The following AUH variants were observed in gnomAD, a reference collection of about 807,000 sequenced individuals.
The protein encoded by AUH is methylglutaconyl-CoA hydratase, mitochondrial.
Under a neutral mutation model 42.3 loss-of-function variants are expected in AUH, and 29 were observed. The ratio of observed to expected loss-of-function variants is 0.69; its 90% CI spans 0.51 to 0.93. AUH has a LOEUF of 0.93. AUH is among the 40% of genes least tolerant of loss of function. The probability of loss-of-function intolerance (pLI) is 0.00; values close to 1 mark genes in which losing one functional copy is unlikely to be tolerated. For missense variants in AUH, 452 were observed against 438.1 expected (o/e 1.03, Z -0.28); for synonymous variants, 174 against 166.4 (o/e 1.05, Z -0.35).
intron 6 of AUH, among the ~76,000 whole-genome samples, chr9:91,250,325 A>C (rs1005635020): frequency 4.6e-5 from 7 of 152,278 alleles, no homozygotes; most frequent in Non-Finnish European, 7.4e-5. Context: ...TACCACACTC[A>C]TACCAAAGCA....
intron 6 of AUH, among the ~76,000 whole-genome samples, chr9:91,235,176 T>C (rs1004432003): frequency 6.6e-6 from 1 of 152,030 alleles, no homozygotes; most frequent in Admixed American, 6.6e-5. Context: ...TTTAAAAAGA[T>C]CATTTGTAAG....
intron 6 of AUH, among the ~76,000 whole-genome samples, chr9:91,225,893 T>C (rs938456502): frequency 1.9e-4 from 29 of 151,988 alleles, no homozygotes; most frequent in African/African-American, 6.8e-4. Context: ...TCATTTTTTA[T>C]GGCTGCATAG....
chr9:91,347,212 TTTTG>T (rs145405829), intron 3 of AUH, among the ~76,000 whole-genome samples: 95,538 of 149,984 alleles, frequency 0.64, 31,770 homozygotes, highest in Admixed American at 0.76. Context: ...TAAGAGGGTT[TTTTG>T]TTTGTTTGTT....
At chr9:91,248,684 A>G (rs150119820) in intron 6 of AUH, among the ~76,000 whole-genome samples, 127 of 152,340 alleles carry the variant, frequency 8.3e-4, no homozygotes, top group African/African-American at 2.8e-3. Flanking sequence ...AAGTCCTCAC[A>G]TAACATTGTT....
intron 3 of AUH, among the ~76,000 whole-genome samples, chr9:91,344,441 C>T (rs939355094): frequency 1.3e-5 from 2 of 152,174 alleles, no homozygotes; most frequent in Admixed American, 1.3e-4. Flanking sequence ...AGACTGAACA[C>T]CTTGGGCACA....
chr9:91,320,102 T>C (rs1383637353), intron 4 of AUH, among the ~76,000 whole-genome samples: 1 of 152,226 alleles, frequency 6.6e-6, no homozygotes, highest in East Asian at 1.9e-4. Flanking sequence ...ACAGTACCAC[T>C]TTAATCAAAT....
intron 4 of AUH, among the ~76,000 whole-genome samples, chr9:91,323,238 A>G (rs1256161444): frequency 6.6e-6 from 1 of 152,246 alleles, no homozygotes; most frequent in African/African-American, 2.4e-5. Context: ...AATTACCTAT[A>G]TTGTACTTTT....
chr9:91,305,553 C>T (rs763643634), intron 4 of AUH, among the ~76,000 whole-genome samples: 1 of 152,168 alleles, frequency 6.6e-6, no homozygotes, highest in Admixed American at 6.5e-5. Context: ...ACCACTGTTA[C>T]CACTGTGAGC....
intron 6 of AUH, among the ~76,000 whole-genome samples, chr9:91,265,015 TC>T (rs1434236406): frequency 1.3e-5 from 2 of 152,136 alleles, no homozygotes; most frequent in African/African-American, 4.8e-5. Flanking sequence ...TTGTTTTTCT[TC>T]CTCTCTGAAA....
rs1279333212 is a variant in AUH, at chr9:91,240,747, G to T, written c.656-19755C>A. On this transcript the variant is annotated intron_variant, in intron 6 of 9. Transcript: ENST00000375731. ...AGATGGCACAGGTCTAGAGTCTCCT[G>T]CCACTGAGAGAGTCTCTGGGGGCCC... Among the ~76,000 whole-genome samples, 9 of 151,330 alleles carry T rather than the reference G, an allele frequency of 5.9e-5. No homozygotes were observed. In the Admixed American group the frequency reaches 6.0e-4, roughly 10 times the overall value.
At chr9:91,284,306 ATTAATTC>A (rs1399454702) in intron 6 of AUH, among the ~76,000 whole-genome samples, 1 of 152,222 alleles carries the variant, frequency 6.6e-6, no homozygotes, top group East Asian at 1.9e-4. Flanking sequence ...TTATACAAAA[ATTAATTC>A]AAGACGGATT....
chr9:91,250,327 A>G (rs1829057063), intron 6 of AUH, among the ~76,000 whole-genome samples: 1 of 152,144 alleles, frequency 6.6e-6, no homozygotes, highest in East Asian at 1.9e-4. Flanking sequence ...CCACACTCAT[A>G]CCAAAGCATT....
At chr9:91,231,093 C>A (rs181271666) in intron 6 of AUH, among the ~76,000 whole-genome samples, 1 of 152,190 alleles carries the variant, frequency 6.6e-6, no homozygotes, top group African/African-American at 2.4e-5. Flanking sequence ...TCAAGCTTCC[C>A]GGCTGCTTTG....
At chr9:91,263,004 T>C (rs549424247) in intron 6 of AUH, among the ~76,000 whole-genome samples, 1 of 152,354 alleles carries the variant, frequency 6.6e-6, no homozygotes, top group Admixed American at 6.5e-5. Flanking sequence ...CTGCTGCAGT[T>C]ACTGCAGTGT....
At chr9:91,315,731 A>C (rs1311691967) in intron 4 of AUH, among the ~76,000 whole-genome samples, 5 of 152,212 alleles carry the variant, frequency 3.3e-5, no homozygotes, top group Non-Finnish European at 7.3e-5. Context: ...GCATAATCAT[A>C]ATAAACTCCA....
intron 4 of AUH, among the ~76,000 whole-genome samples, chr9:91,299,439 C>T (rs369046563): frequency 6.6e-6 from 1 of 152,040 alleles, no homozygotes; most frequent in Non-Finnish European, 1.5e-5. Context: ...ACACAGCTGC[C>T]GCCTGAAGCA....
intron 3 of AUH, chr9:91,342,677 T>G (rs545048389): frequency 6.6e-6 from 1 of 152,200 alleles, no homozygotes; most frequent in East Asian, 1.9e-4. Context: ...GGAATTAGAG[T>G]CAGAAATGAA....
chr9:91,311,707 A>C (rs1232152793), intron 4 of AUH, among the ~76,000 whole-genome samples: 1 of 152,208 alleles, frequency 6.6e-6, no homozygotes, highest in East Asian at 1.9e-4. Flanking sequence ...TATACTGCTA[A>C]TGTGCACAAT....
intron 4 of AUH, among the ~76,000 whole-genome samples, chr9:91,303,910 T>C (rs1028330772): frequency 6.6e-6 from 1 of 152,138 alleles, no homozygotes; most frequent in African/African-American, 2.4e-5. Flanking sequence ...AAGCCCTGAG[T>C]GAGGCCTGCA....
Sources: allele counts gnomAD v4.1 joint callset (sites outside exome capture counted in the v4.1 genomes callset), GRCh38; gene constraint gnomAD v4.1.1; transcripts MANE v1.5; gene names NCBI Gene and HGNC (gene_info 2026-07-23, HGNC 2026-07-21).